The following DYNC2I1 variants were observed in gnomAD, a reference collection of about 807,000 sequenced individuals.
DYNC2I1 encodes the protein cytoplasmic dynein 2 intermediate chain 1.
Under a neutral mutation model 133.4 loss-of-function variants are expected in DYNC2I1, and 89 were observed. The ratio of observed to expected loss-of-function variants is 0.67; its 90% confidence interval spans 0.56 to 0.80. DYNC2I1 has a LOEUF of 0.80. Ranked by LOEUF, DYNC2I1 falls within the 30% of genes least tolerant of loss-of-function variation. The pLI, the probability that DYNC2I1 is intolerant of heterozygous loss-of-function variation, is 0.00. For missense variants in DYNC2I1, 1,291 were observed against 1,314.5 expected (o/e 0.98, Z 0.28); for synonymous variants, 504 against 484.3 (o/e 1.04, Z -0.54).
chr7:158,850,944 A>C, the DYNC2I1 span, among the ~76,000 whole-genome samples: 1 of 151,758 alleles, frequency 6.6e-6, no homozygotes. Flanking sequence ...AATAGCTCTC[A>C]TCTAACGAGC....
chr7:158,892,955 AATTGAG>A lies in DYNC2I1; in HGVS notation c.1059+1624_1059+1629del, dbSNP rs1298401401. ...CTCCATCTCAAAAAAAAAAAAAAAA[AATTGAG>A]AGGAAGATACAAAGATTTCCCATAT... On this transcript the variant is annotated intron_variant, in intron 8 of 24. Transcript: ENST00000407559. Among the ~76,000 whole-genome samples the A allele has an allele frequency of 4.6e-5, 7 of 151,768 alleles. No individual in the cohort carries two copies. In the East Asian group the frequency reaches 1.2e-3, roughly 25 times the overall value.
chr7:158,915,246 G>C (rs536195795), intron 14 of DYNC2I1, among the ~76,000 whole-genome samples: 24 of 152,194 alleles, frequency 1.6e-4, no homozygotes, highest in Non-Finnish European at 3.1e-4. Context: ...CATGCTGGTT[G>C]ACATTAAGAA....
At position 158,938,157 on chromosome 7, in the gene DYNC2I1, C is replaced by T. The variant is rs140582571; in HGVS notation, c.2778+3608C>T. The stretch of plus-strand genomic sequence containing the variant: ...ACAGATTCAACCCAAATAAGATTAC[C>T]CCAAGGCATTTAATAATCAGACTCT... On this transcript the variant is annotated intron_variant, in intron 23 of 24. Coordinates refer to ENST00000407559, the MANE Select transcript of DYNC2I1 (RefSeq NM_018051.5). Among the ~76,000 whole-genome samples the T allele has an allele frequency of 1.3e-3, 196 of 152,098 alleles. 1 individual carries two copies. The highest frequency in any genetic ancestry group is 4.4e-3 in the African/African-American group (184 of 41,472).
At chr7:158,910,861 G>A (rs1315032094) in intron 11 of DYNC2I1, among the ~76,000 whole-genome samples, 5 of 150,466 alleles carry the variant, frequency 3.3e-5, no homozygotes, top group South Asian at 4.2e-4. Flanking sequence ...GTGGGCGGAG[G>A]GCGATTGGCT....
chr7:158,873,528 T>G (rs1339627060), intron 3 of DYNC2I1, among the ~76,000 whole-genome samples: 1 of 152,238 alleles, frequency 6.6e-6, no homozygotes, highest in Non-Finnish European at 1.5e-5. Context: ...TATGTGCGTT[T>G]CTGTTGGGGT....
intron 23 of DYNC2I1, among the ~76,000 whole-genome samples, chr7:158,938,614 G>C (rs1304840920): frequency 6.6e-6 from 1 of 152,140 alleles, no homozygotes; most frequent in Non-Finnish European, 1.5e-5. Flanking sequence ...AAATTAGCCA[G>C]ATGTGGTGGC....
chr7:158,920,829 A>C (rs752216933), intron 15 of DYNC2I1, among the ~76,000 whole-genome samples: 1 of 152,188 alleles, frequency 6.6e-6, no homozygotes, highest in Non-Finnish European at 1.5e-5. Context: ...CTGATCTGTG[A>C]TCAGATGTAG....
At chr7:158,916,288 C>G (rs1422343768) in intron 14 of DYNC2I1, among the ~76,000 whole-genome samples, 23 of 82,624 alleles carry the variant, frequency 2.8e-4, no homozygotes, top group Non-Finnish European at 4.1e-4. Context: ...ATTGTGAAAC[C>G]TCGACACGGT....
At position 158,918,838 on chromosome 7, in the gene DYNC2I1, T is replaced by A; in HGVS notation, c.1890T>A (p.Ser630=). 1 of 1,613,832 alleles carries A rather than the reference T, an allele frequency of 6.2e-7. No individual in the cohort carries two copies. Among genetic ancestry groups the A allele is most frequent in the South Asian group, 1.1e-5 (1 of 91,084 alleles). The change falls in exon 15 of 25, where the codon TCT becomes TCA. Residue 630 remains serine (S), a synonymous_variant. Coordinates refer to ENST00000407559, the MANE Select transcript of DYNC2I1 (RefSeq NM_018051.5). Reference sequence around the variant, plus strand: ...CCCTGTATTTTAGTGACAGCTCATCTCAGCTGAACACCAGTCTACCATTCC... The same window carrying A: ...CCCTGTATTTTAGTGACAGCTCATCACAGCTGAACACCAGTCTACCATTCC... ...DRALYFSDSS[S]QLNTSLPFLQ...
chr7:158,842,482 G>A, the DYNC2I1 span, among the ~76,000 whole-genome samples: 1 of 152,182 alleles, frequency 6.6e-6, no homozygotes, highest in South Asian at 2.1e-4. Context: ...GAGTGACCTT[G>A]GGCAAGCTAA....
At chr7:158,902,827 C>T in intron 10 of DYNC2I1, 2 of 522,942 alleles carry the variant, frequency 3.8e-6, no homozygotes, top group South Asian at 2.7e-5. Context: ...TCACTTTCTG[C>T]TCAGCACCCA....
At chr7:158,936,549 C>T (rs1850774926) in intron 23 of DYNC2I1, among the ~76,000 whole-genome samples, 1 of 152,202 alleles carries the variant, frequency 6.6e-6, no homozygotes. Flanking sequence ...GTGCCCTGTC[C>T]CTGCCTCAGC....
Position 158,945,934 on chromosome 7 carries a change from C to T in DYNC2I1, c.*155C>T, listed in dbSNP as rs186661013. On this transcript the variant is annotated 3_prime_UTR_variant, in exon 25 of 25. Coordinates refer to ENST00000407559, the MANE Select transcript of DYNC2I1 (RefSeq NM_018051.5). The surrounding 1 kb of genome is among the most constrained non-coding windows in gnomAD (Gnocchi z 4.1). ...TACATGAATATGTCTTTGGTATTCC[C>T]AGTAAATAGATGACTACTTTTGAGT... is the stretch of plus-strand genomic sequence containing the variant. The T allele has an allele frequency of 0.012, 9,102 of 746,516 alleles. 78 individuals carry two copies. Among genetic ancestry groups the T allele is most frequent in the Non-Finnish European group, 0.015 (7,996 of 525,516 alleles). The allele number at this position is 746,516 out of a possible 1,614,324, so 46.2% of individuals were successfully genotyped here. A position where few individuals can be genotyped will look rare whatever the true frequency, so the allele number is the denominator to read the frequency against.
At chr7:158,946,594 T>C (rs1275981819), downstream of DYNC2I1, among the ~76,000 whole-genome samples, 1 of 152,248 alleles carries the variant, frequency 6.6e-6, no homozygotes, top group Admixed American at 6.5e-5. Context: ...CACCGATCCA[T>C]TCACTAGGGC....
In DYNC2I1 at chr7:158,926,139, C is replaced by T. The variant is rs142173604; in HGVS notation, c.2258-48C>T. 156 of 1,448,360 alleles carry T rather than the reference C, an allele frequency of 1.1e-4. No individual in the cohort carries two copies. In the African/African-American group the frequency reaches 1.3e-3, roughly 12 times the overall value. 89.7% of individuals were successfully genotyped at this position (1,448,360 alleles called of 1,614,324 possible). On this transcript the variant is annotated intron_variant, in intron 17 of 24. Coordinates refer to ENST00000407559, the MANE Select transcript of DYNC2I1 (RefSeq NM_018051.5). ...TCCCTGTGTGATGCGAACTGCATTTCTTCAACTTACTACTTACACGTGGAT... is the reference window on the plus strand; with the variant it reads ...TCCCTGTGTGATGCGAACTGCATTTTTTCAACTTACTACTTACACGTGGAT...
intron 1 of DYNC2I1, among the ~76,000 whole-genome samples, chr7:158,863,172 G>A (rs940082295): frequency 6.6e-6 from 1 of 151,998 alleles, no homozygotes; most frequent in Non-Finnish European, 1.5e-5. Flanking sequence ...TGCCCACATC[G>A]TGGTGCGTTT....
At chr7:158,943,677 C>T (rs1000579791) in intron 24 of DYNC2I1, among the ~76,000 whole-genome samples, 2 of 151,364 alleles carry the variant, frequency 1.3e-5, no homozygotes, top group East Asian at 1.9e-4. Context: ...GGACTCCAAA[C>T]GTGGCTCATA....
At chr7:158,917,249 G>A (rs553367933) in intron 14 of DYNC2I1, among the ~76,000 whole-genome samples, 1,525 of 120,200 alleles carry the variant, frequency 0.013, 4 homozygotes, top group African/African-American at 0.045. Context: ...TGACACGCTC[G>A]TTGACATTAA....
intron 1 of DYNC2I1, chr7:158,869,529 A>G: frequency 2.0e-6 from 1 of 489,638 alleles, no homozygotes; most frequent in South Asian, 1.5e-5. Context: ...ATACAGTCTG[A>G]CACAAGATAT....
Sources: gnomAD v4.1 joint callset for allele counts (sites outside exome capture counted in the v4.1 genomes callset) on GRCh38, gnomAD v4.1.1 for gene constraint, Gnocchi (gnomAD v3.1) non-coding constraint, MANE v1.5 for transcripts, NCBI Gene and HGNC (gene_info 2026-07-23, HGNC 2026-07-21) for gene names.